Variants in TCF7L1 observed in about 807,000 individuals in gnomAD.
TCF7L1 encodes the protein transcription factor 7 like 1, also known as transcription factor 7-like 1.
TCF7L1 carries 18 observed loss-of-function variants against 63.7 expected under a neutral mutation model. The observed-to-expected ratio is 0.28, with a 90% confidence interval of 0.20 to 0.42. The LOEUF is 0.42. Ranked by LOEUF, TCF7L1 falls within the 10% of genes least tolerant of loss-of-function variation. TCF7L1 has a pLI of 1.00. For synonymous variants in TCF7L1, 355 were observed against 340.9 expected, an observed-to-expected ratio of 1.04 and a Z score of -0.46; for missense variants, 654 against 779.3, an observed-to-expected ratio of 0.84 and a Z score of 1.91.
chr2:85,152,184 A>T (rs1678032522), intron 3 of TCF7L1, among the ~76,000 whole-genome samples: 1 of 152,120 alleles, frequency 6.6e-6, no homozygotes, highest in East Asian at 1.9e-4. Context: ...CACACCTTGT[A>T]CATTTCTTGT....
At chr2:85,263,314 G>A (rs775808567) in intron 3 of TCF7L1, among the ~76,000 whole-genome samples, 1 of 147,242 alleles carries the variant, frequency 6.8e-6, no homozygotes, top group African/African-American at 2.4e-5. Context: ...TTGGGGGTAG[G>A]GTGGAGGGGG....
At chr2:85,249,962 A>AAGAC (rs1460315771) in intron 3 of TCF7L1, among the ~76,000 whole-genome samples, 6 of 152,226 alleles carry the variant, frequency 3.9e-5, no homozygotes, top group African/African-American at 1.4e-4. Flanking sequence ...GACATAGACA[A>AAGAC]AGACATAGGG....
intron 3 of TCF7L1, among the ~76,000 whole-genome samples, chr2:85,141,332 G>C (rs1011601484): frequency 4.6e-5 from 7 of 152,140 alleles, no homozygotes; most frequent in African/African-American, 1.7e-4. Context: ...CCAGGCAAGT[G>C]GTGGTGTTAA....
At chr2:85,270,856 A>T (rs1553405444) in intron 3 of TCF7L1, among the ~76,000 whole-genome samples, 2 of 151,658 alleles carry the variant, frequency 1.3e-5, no homozygotes, top group Non-Finnish European at 2.9e-5. Flanking sequence ...CACCTGGCTA[A>T]TTTTTTTTGT....
rs372493542 is a variant in TCF7L1 at position 85,190,963 on chromosome 2, A to G, written c.441+56513A>G. 2.6e-5 allele frequency among the ~76,000 whole-genome samples: 4 copies of G among 152,326 alleles called. No individual in the cohort carries two copies. The East Asian group carries it at 7.7e-4, about 29-fold the overall frequency. ...GCTTAGGCTCTTAGCAACTGAGGCG[A>G]GGGCTGCTGCCAGCATTAATGACTC... On this transcript the variant is annotated intron_variant, in intron 3 of 11. Transcript: ENST00000282111.
chr2:85,205,808 G>T (rs774089569), intron 3 of TCF7L1, among the ~76,000 whole-genome samples: 1 of 152,122 alleles, frequency 6.6e-6, no homozygotes, highest in African/African-American at 2.4e-5. Flanking sequence ...GGCGTGAGCC[G>T]CTGCACCCAG....
Position 85,239,159 on chromosome 2 carries a change from T to C in TCF7L1, c.442-44336T>C, listed in dbSNP as rs139352832. ...AAGAGATGGAAGGAAGGGTTAAGAG[T>C]TGGGTCCCTGTTTTGGAGATGTATA... On this transcript the variant is annotated intron_variant, in intron 3 of 11. Coordinates refer to ENST00000282111, the MANE Select transcript of TCF7L1 (RefSeq NM_031283.3). Among the ~76,000 whole-genome samples, 79 of 152,098 alleles carry C rather than the reference T, an allele frequency of 5.2e-4. No individual in the cohort carries two copies. In the East Asian group the frequency reaches 6.6e-3, roughly 13 times the overall value.
chr2:85,207,423 T>A (rs1394301240), intron 3 of TCF7L1, among the ~76,000 whole-genome samples: 1 of 152,146 alleles, frequency 6.6e-6, no homozygotes, highest in Non-Finnish European at 1.5e-5. Context: ...TTTTCCTTTC[T>A]CACAGCACCC....
chr2:85,273,609 G>A (rs1323548151), intron 3 of TCF7L1, among the ~76,000 whole-genome samples: 1 of 152,198 alleles, frequency 6.6e-6, no homozygotes, highest in Non-Finnish European at 1.5e-5. Context: ...CAGAACTTAA[G>A]TGTGCATATC....
At chr2:85,236,139 C>G (rs1017429315) in intron 3 of TCF7L1, among the ~76,000 whole-genome samples, 2 of 150,920 alleles carry the variant, frequency 1.3e-5, no homozygotes, top group Non-Finnish European at 2.9e-5. Context: ...GGTGACAGAG[C>G]AAGACCTTGT....
rs143036125 is a variant in TCF7L1, at chr2:85,270,774, C to T, written c.442-12721C>T. 3.2e-3 allele frequency among the ~76,000 whole-genome samples: 482 copies of T among 152,156 alleles called. 2 individuals carry two copies. The highest frequency in any genetic ancestry group is 0.011 in the African/African-American group (454 of 41,510). On this transcript the variant is annotated intron_variant, in intron 3 of 11. Transcript: ENST00000282111. ...GCGCAATCACAGCTCACTGCAGCCT[C>T]GAGCTCGAGGGCTGAGTCGATCCTC...
intron 3 of TCF7L1, among the ~76,000 whole-genome samples, chr2:85,247,820 T>C (rs1443252149): frequency 6.6e-6 from 1 of 152,232 alleles, no homozygotes; most frequent in Non-Finnish European, 1.5e-5. Flanking sequence ...ATGTGTTATT[T>C]GTTATTAAAA....
rs1682149962 is a variant in TCF7L1 at position 85,307,694 on chromosome 2, A to T, written c.1310A>T (p.Gln437Leu). ...REKQLSQTQS[Q>L]QQVQEAEGAL... Reference sequence around the variant, plus strand: ...AAGCAGCTGTCCCAGACACAGTCACAGCAGCAAGTCCAGGAGGCAGAGGGT... The same window carrying T: ...AAGCAGCTGTCCCAGACACAGTCACTGCAGCAAGTCCAGGAGGCAGAGGGT... The change falls in exon 11 of 12, where the codon CAG becomes CTG. Residue 437 changes from glutamine to leucine, a missense_variant. Gln to Leu is a moderately radical substitution (Grantham distance 113). Transcript: ENST00000282111. 6.2e-7 allele frequency: 1 copy of T among 1,613,706 alleles called. No homozygotes were observed. Among genetic ancestry groups the T allele is most frequent in the Non-Finnish European group, 8.5e-7 (1 of 1,180,000 alleles).
At chr2:85,225,402 T>C (rs1022721281) in intron 3 of TCF7L1, among the ~76,000 whole-genome samples, 3 of 152,214 alleles carry the variant, frequency 2.0e-5, no homozygotes, top group African/African-American at 7.2e-5. Flanking sequence ...ATTCTTCCTA[T>C]CCATGAGCAT....
chr2:85,303,342 CT>C (rs80330857), intron 5 of TCF7L1: 759 of 143,960 alleles, frequency 5.3e-3, no homozygotes, highest in Non-Finnish European at 5.4e-3. Context: ...GCTTTTTTTT[CT>C]TTTTTTTTTT....
intron 3 of TCF7L1, among the ~76,000 whole-genome samples, chr2:85,164,850 T>C (rs761726629): frequency 2.0e-5 from 3 of 152,238 alleles, no homozygotes; most frequent in Admixed American, 6.5e-5. Context: ...AGAGTCATTG[T>C]AAATGTCTTG....
At chr2:85,147,522 T>C (rs1677909232) in intron 3 of TCF7L1, among the ~76,000 whole-genome samples, 1 of 151,824 alleles carries the variant, frequency 6.6e-6, no homozygotes, top group South Asian at 2.1e-4. Flanking sequence ...CTCCTGGCTC[T>C]TGGGGTCCAA....
chr2:85,178,130 G>A lies in TCF7L1; in HGVS notation c.441+43680G>A, dbSNP rs188316405. On this transcript the variant is annotated intron_variant, in intron 3 of 11. Coordinates refer to ENST00000282111, the MANE Select transcript of TCF7L1 (RefSeq NM_031283.3). Reference sequence around the variant, plus strand: ...ATGGTATGAGGTAGGGCTACACTACGCTCCCAGAGACGTCTCCATGGACAG... The same window carrying A: ...ATGGTATGAGGTAGGGCTACACTACACTCCCAGAGACGTCTCCATGGACAG... Among the ~76,000 whole-genome samples the A allele has an allele frequency of 1.3e-4, 20 of 152,304 alleles. No individual in the cohort carries two copies. The East Asian group carries it at 2.9e-3, about 22-fold the overall frequency.
At chr2:85,204,087 G>A (rs922545145) in intron 3 of TCF7L1, among the ~76,000 whole-genome samples, 1 of 151,956 alleles carries the variant, frequency 6.6e-6, no homozygotes, top group Non-Finnish European at 1.5e-5. Flanking sequence ...GCTAATGGAG[G>A]TAAAAAAAAT....
Sources: allele counts gnomAD v4.1 joint callset (sites outside exome capture counted in the v4.1 genomes callset), GRCh38; gene constraint gnomAD v4.1.1; transcripts MANE v1.5; gene names NCBI Gene and HGNC (gene_info 2026-07-23, HGNC 2026-07-21).